The following PLAGL1 variants were observed in gnomAD, a reference collection of about 807,000 sequenced individuals.
PLAGL1 encodes zinc finger protein PLAGL1.
A neutral mutation model predicts 4.6 loss-of-function variants in PLAGL1; 1 was observed. The observed-to-expected ratio is 0.22, with a 90% CI of 0.08 to 1.03. The LOEUF is 1.03. Ranked by LOEUF, PLAGL1 falls within the 50% of genes least tolerant of loss-of-function variation. The pLI, the probability that PLAGL1 is intolerant of heterozygous loss-of-function variation, is 0.58. For missense variants in PLAGL1, 464 were observed against 570.4 expected (o/e 0.81, Z 1.90); for synonymous variants, 240 against 237.8 (o/e 1.01, Z -0.08).
rs543521128 is a variant in PLAGL1 at position 144,062,470 on chromosome 6, C to CAAA, written c.-151+1995_-151+1997dup. Reference sequence around the variant, plus strand: ...TAATTACACTAGAATGTTATCAGACCAAAAAAAAAAAAAAAAAAAAAAAAA... The same window carrying CAAA: ...TAATTACACTAGAATGTTATCAGACCAAAAAAAAAAAAAAAAAAAAAAAAAAAA... On this transcript the variant is annotated intron_variant, in intron 1 of 3. Transcript: ENST00000437412. 1.4e-3 allele frequency among the ~76,000 whole-genome samples: 105 copies of CAAA among 75,682 alleles called. 1 individual carries two copies. The highest frequency in any genetic ancestry group is 3.0e-3 in the African/African-American group (57 of 19,164). 49.7% of individuals were successfully genotyped at this position (75,682 alleles called of 152,430 possible).
In PLAGL1 at chr6:143,979,092, A is replaced by G. The variant is rs1787316312; in HGVS notation, c.-544+6043T>C. Among the ~76,000 whole-genome samples, 1 of 152,212 alleles carries G rather than the reference A, an allele frequency of 6.6e-6. No individual in the cohort carries two copies. The highest frequency in any genetic ancestry group is 2.4e-5 in the African/African-American group (1 of 41,462). On this transcript the variant is annotated intron_variant, in intron 2 of 7. Transcript: ENST00000674357. The surrounding 1 kb of genome is among the most constrained non-coding windows in gnomAD (Gnocchi z 4.6). ...TTTCTACTTTGTCTAATATGAATAC[A>G]GTCACCACAGTTTTAAAAAATCAGT...
chr6:144,054,129 A>C (rs1299968067), intron 1 of PLAGL1, among the ~76,000 whole-genome samples: 2 of 149,466 alleles, frequency 1.3e-5, no homozygotes, highest in East Asian at 3.9e-4. Context: ...CATGCATGAA[A>C]TTATAAAATA....
upstream of PLAGL1, among the ~76,000 whole-genome samples, chr6:144,011,379 G>T (rs1795176241): frequency 6.6e-6 from 1 of 152,178 alleles, no homozygotes; most frequent in South Asian, 2.1e-4. This position sits in a 1 kb window ranked among gnomAD's most constrained non-coding sequence, Gnocchi z 4.3. Flanking sequence ...TTAGAGAAAT[G>T]CTTCAAAGAT....
Position 143,990,697 on chromosome 6 carries a change from G to T in PLAGL1, c.-583-5523C>A, listed in dbSNP as rs1483961834. ...ATTACTAGGTTGAGATAGTAAAAACGTACCTTCCCTTCAAGATATGCAAGA... is the reference window on the plus strand; with the variant it reads ...ATTACTAGGTTGAGATAGTAAAAACTTACCTTCCCTTCAAGATATGCAAGA... On this transcript the variant is annotated intron_variant, in intron 1 of 7. Coordinates refer to ENST00000674357, the MANE Select transcript of PLAGL1 (RefSeq NM_001317162.2). The surrounding 1 kb of genome is among the most constrained non-coding windows in gnomAD (Gnocchi z 5.4). Among the ~76,000 whole-genome samples the T allele has an allele frequency of 6.6e-6, 1 of 152,126 alleles. No homozygotes were observed. The highest frequency in any genetic ancestry group is 2.4e-5 in the African/African-American group (1 of 41,416).
At chr6:144,037,141 C>A in intron 1 of PLAGL1, 1 of 153,772 alleles carries the variant, frequency 6.5e-6, no homozygotes. Flanking sequence ...ATTTTTGAGA[C>A]TGAATTTTAT....
rs1418552772 is a variant in PLAGL1, at chr6:143,989,470, G to A, written c.-583-4296C>T. On this transcript the variant is annotated intron_variant, in intron 1 of 7. Transcript: ENST00000674357. This position sits in a 1 kb window ranked among gnomAD's most constrained non-coding sequence, Gnocchi z 4.8. ...CGAATAGAACAAAAAGGTGGAAGGA[G>A]GAGGAATTCACCCCCTTTTCTTCCT... 6.6e-6 allele frequency among the ~76,000 whole-genome samples: 1 copy of A among 152,192 alleles called. No individual in the cohort carries two copies. The highest frequency in any genetic ancestry group is 1.5e-5 in the Non-Finnish European group (1 of 68,042).
In PLAGL1 at chr6:143,953,317, T is replaced by G. The variant is rs1251223052; in HGVS notation, c.-324-4857A>C. ...CCACCTGCTGAGCCATCAGGTTTGT[T>G]GCCTATAGATTCTTTTCAGCTGTCA... On this transcript the variant is annotated intron_variant, in intron 6 of 7. Transcript: ENST00000674357. This position sits in a 1 kb window ranked among gnomAD's most constrained non-coding sequence, Gnocchi z 5.3. Among the ~76,000 whole-genome samples, 2 of 152,244 alleles carry G rather than the reference T, an allele frequency of 1.3e-5. No individual in the cohort carries two copies. The highest frequency in any genetic ancestry group is 1.3e-4 in the Admixed American group (2 of 15,288).
chr6:144,002,336 T>C (rs978840863), intron 1 of PLAGL1, among the ~76,000 whole-genome samples: 26 of 152,286 alleles, frequency 1.7e-4, no homozygotes, highest in African/African-American at 6.0e-4. Flanking sequence ...TAGTGAAATA[T>C]TGAGGTATTC....
At chr6:143,981,199 C>T (rs563462044) in intron 2 of PLAGL1, among the ~76,000 whole-genome samples, 1 of 132,860 alleles carries the variant, frequency 7.5e-6, no homozygotes, top group Admixed American at 9.3e-5. Flanking sequence ...CATTAGTCTT[C>T]TGAGTACACC....
At chr6:144,040,194 A>C (rs886697666) in intron 1 of PLAGL1, among the ~76,000 whole-genome samples, 9 of 152,200 alleles carry the variant, frequency 5.9e-5, no homozygotes, top group Non-Finnish European at 1.3e-4. Flanking sequence ...TCAAAATAGA[A>C]AATATTTTAG....
At chr6:144,021,240 A>G (rs1583740912) in intron 1 of PLAGL1, among the ~76,000 whole-genome samples, 1 of 152,122 alleles carries the variant, frequency 6.6e-6, no homozygotes, top group African/African-American at 2.4e-5. Context: ...AGGACTTCAC[A>G]TGCTGGATTT....
chr6:144,042,616 C>T (rs1314472541), intron 1 of PLAGL1, among the ~76,000 whole-genome samples: 2 of 152,156 alleles, frequency 1.3e-5, no homozygotes, highest in East Asian at 3.9e-4. Flanking sequence ...GTGATGCCTC[C>T]AGCTTTGTTC....
chr6:144,038,209 C>T (rs755650155), intron 1 of PLAGL1, among the ~76,000 whole-genome samples: 26 of 152,158 alleles, frequency 1.7e-4, no homozygotes, highest in African/African-American at 1.2e-4. Context: ...TGTGTTAAGA[C>T]GGTAATACGA....
intron 7 of PLAGL1, among the ~76,000 whole-genome samples, chr6:143,943,223 C>A (rs1431282163): frequency 6.6e-6 from 1 of 151,676 alleles, no homozygotes; most frequent in Non-Finnish European, 1.5e-5. Flanking sequence ...ACAAAGTATG[C>A]AAGTACTTAA....
chr6:144,026,241 G>A (rs1796331260), intron 1 of PLAGL1, among the ~76,000 whole-genome samples: 1 of 152,132 alleles, frequency 6.6e-6, no homozygotes, highest in Non-Finnish European at 1.5e-5. Context: ...AGCCAAAAGA[G>A]TTTGAAATCT....
At chr6:144,040,717 A>T (rs1562601236) in intron 1 of PLAGL1, among the ~76,000 whole-genome samples, 1 of 151,842 alleles carries the variant, frequency 6.6e-6, no homozygotes, top group Non-Finnish European at 1.5e-5. Flanking sequence ...CTCCACTAAA[A>T]ATACAAAAAA....
upstream of PLAGL1, among the ~76,000 whole-genome samples, chr6:144,011,831 G>A (rs192917142): frequency 7.2e-5 from 11 of 152,274 alleles, 1 homozygote; most frequent in East Asian, 2.1e-3. This position sits in a 1 kb window ranked among gnomAD's most constrained non-coding sequence, Gnocchi z 4.3. Context: ...AACATCCCAT[G>A]CCTCAGAGTT....
intron 1 of PLAGL1, among the ~76,000 whole-genome samples, chr6:144,014,656 T>C: frequency 6.6e-6 from 1 of 152,046 alleles, no homozygotes; most frequent in East Asian, 1.9e-4. Context: ...CTCGGCTCAC[T>C]GCAGCCTCCA....
At position 143,954,270 on chromosome 6, in the gene PLAGL1, A is replaced by C. The variant is rs1781652301; in HGVS notation, c.-324-5810T>G. ...ATCAGAGGAAGGCACTTAATAGGGA[A>C]AACTGACACAAAAAGTAACGGGGAA... On this transcript the variant is annotated intron_variant, in intron 6 of 7. Coordinates refer to ENST00000674357, the MANE Select transcript of PLAGL1 (RefSeq NM_001317162.2). The surrounding 1 kb of genome is among the most constrained non-coding windows in gnomAD (Gnocchi z 5.1). 6.6e-6 allele frequency among the ~76,000 whole-genome samples: 1 copy of C among 152,348 alleles called. No homozygotes were observed. Among genetic ancestry groups the C allele is most frequent in the Non-Finnish European group, 1.5e-5 (1 of 68,036 alleles).
Sources: allele counts gnomAD v4.1 joint callset (sites outside exome capture counted in the v4.1 genomes callset), GRCh38; gene constraint gnomAD v4.1.1; non-coding constraint Gnocchi (gnomAD v3.1); transcripts MANE v1.5; gene names NCBI Gene and HGNC (gene_info 2026-07-23, HGNC 2026-07-21).